The following CSMD1 variants were observed in gnomAD, a reference collection of about 807,000 sequenced individuals.
The protein encoded by CSMD1 is CUB and sushi domain-containing protein 1.
A neutral mutation model predicts 417.5 loss-of-function variants in CSMD1; 213 were observed. That is an observed-to-expected ratio of 0.51 (90% confidence interval 0.46 to 0.57). CSMD1 has a LOEUF of 0.57. CSMD1 is among the 20% of genes least tolerant of loss of function. The pLI is 0.00. For synonymous variants in CSMD1, 2,862 were observed against 1,736.8 expected, an observed-to-expected ratio of 1.65 and a Z score of -16.11; for missense variants, 6,923 against 4,529.7, an observed-to-expected ratio of 1.53 and a Z score of -15.17.
At chr8:3,646,605 G>C (rs1340116862) in intron 7 of CSMD1, among the ~76,000 whole-genome samples, 1 of 152,170 alleles carries the variant, frequency 6.6e-6, no homozygotes, top group Non-Finnish European at 1.5e-5. Flanking sequence ...GTAGCAGTCA[G>C]GGAACCACTA....
intron 5 of CSMD1, among the ~76,000 whole-genome samples, chr8:3,951,260 G>C (rs544762838): frequency 6.6e-6 from 1 of 152,288 alleles, no homozygotes; most frequent in East Asian, 1.9e-4. Context: ...TGAGGCCAGA[G>C]TGGATTTCCT....
intron 21 of CSMD1, among the ~76,000 whole-genome samples, chr8:3,348,875 C>T (rs1808195374): frequency 6.6e-6 from 1 of 152,180 alleles, no homozygotes; most frequent in Non-Finnish European, 1.5e-5. Context: ...AGTCACTTAA[C>T]CTTTCAGCAC....
intron 7 of CSMD1, among the ~76,000 whole-genome samples, chr8:3,682,443 G>A (rs1563268321): frequency 6.6e-6 from 1 of 152,148 alleles, no homozygotes; most frequent in East Asian, 1.9e-4. Flanking sequence ...ATGAAAAAAT[G>A]CTCATCATCA....
chr8:3,703,088 A>G (rs565007152), intron 7 of CSMD1, among the ~76,000 whole-genome samples: 1 of 152,326 alleles, frequency 6.6e-6, no homozygotes, highest in African/African-American at 2.4e-5. Flanking sequence ...TAAGATATTA[A>G]TGACTATCTT....
intron 3 of CSMD1, among the ~76,000 whole-genome samples, chr8:4,113,530 G>C (rs1019714058): frequency 6.6e-6 from 1 of 150,906 alleles, no homozygotes. Flanking sequence ...TCTGCCTCCT[G>C]AGTAGCTGGG....
chr8:4,514,418 A>G (rs1001577896), intron 2 of CSMD1, among the ~76,000 whole-genome samples: 4 of 152,172 alleles, frequency 2.6e-5, no homozygotes, highest in African/African-American at 7.2e-5. Context: ...TCTAGAAGGC[A>G]GATCTGAATG....
Position 4,813,826 on chromosome 8 carries a change from G to A in CSMD1, c.86-176268C>T, listed in dbSNP as rs17071510. On this transcript the variant is annotated intron_variant, in intron 1 of 69. Transcript: ENST00000635120. ...GCCATCGAATTTCATCAGATACAAGGCAGTAATTCCAGAGTGCATAGTAGC... is the reference window on the plus strand; with the variant it reads ...GCCATCGAATTTCATCAGATACAAGACAGTAATTCCAGAGTGCATAGTAGC... 2.5e-3 allele frequency among the ~76,000 whole-genome samples: 375 copies of A among 152,228 alleles called. 3 individuals carry two copies. Among genetic ancestry groups the A allele is most frequent in the African/African-American group, 8.4e-3 (348 of 41,532 alleles).
intron 21 of CSMD1, among the ~76,000 whole-genome samples, chr8:3,358,111 G>C (rs1808916803): frequency 6.6e-6 from 1 of 152,110 alleles, no homozygotes; most frequent in Non-Finnish European, 1.5e-5. Flanking sequence ...AACAAGTTAT[G>C]CTAAGTGAAC....
intron 67 of CSMD1, among the ~76,000 whole-genome samples, 161 bp from the exon 68 acceptor site, chr8:2,949,547 G>C (rs989302227): frequency 9.3e-6 from 1 of 107,726 alleles, no homozygotes; most frequent in African/African-American, 3.9e-5. Flanking sequence ...CACATTTATA[G>C]TTAAAGATCA....
At chr8:4,050,118 G>A (rs1009171137) in intron 3 of CSMD1, among the ~76,000 whole-genome samples, 18 of 152,158 alleles carry the variant, frequency 1.2e-4, no homozygotes, top group African/African-American at 4.3e-4. Flanking sequence ...GAAGATCACA[G>A]AGGTAAAGAA....
At chr8:3,927,733 AAG>A (rs533910475) in intron 5 of CSMD1, among the ~76,000 whole-genome samples, 24 of 152,224 alleles carry the variant, frequency 1.6e-4, no homozygotes, top group Non-Finnish European at 3.4e-4. Flanking sequence ...GCAGAAAAAA[AAG>A]AAGATGCTAA....
At chr8:3,255,068 T>C (rs1009065688) in intron 26 of CSMD1, among the ~76,000 whole-genome samples, 62 of 152,302 alleles carry the variant, frequency 4.1e-4, no homozygotes, top group African/African-American at 1.3e-3. Context: ...GTCCTTCCTG[T>C]TTGTTAGTTT....
intron 5 of CSMD1, among the ~76,000 whole-genome samples, chr8:3,845,554 C>A (rs769757642): frequency 6.6e-6 from 1 of 152,164 alleles, no homozygotes. Flanking sequence ...CTCTGGGTGT[C>A]AGTGAACGAG....
At chr8:4,170,359 G>C (rs150093669) in intron 3 of CSMD1, among the ~76,000 whole-genome samples, 1 of 151,704 alleles carries the variant, frequency 6.6e-6, no homozygotes, top group East Asian at 1.9e-4. Context: ...CCGTATATTC[G>C]GATAATTTAT....
chr8:4,866,486 A>C (rs964350547), intron 1 of CSMD1, among the ~76,000 whole-genome samples: 2 of 151,974 alleles, frequency 1.3e-5, no homozygotes, highest in African/African-American at 4.8e-5. Flanking sequence ...GCATTTTAGC[A>C]TCTACTTTAT....
chr8:3,296,834 G>C (rs1804006398), intron 25 of CSMD1, among the ~76,000 whole-genome samples: 1 of 152,164 alleles, frequency 6.6e-6, no homozygotes, highest in Admixed American at 6.5e-5. Context: ...GGGAAAATCA[G>C]AGTTTCTGTC....
At chr8:3,401,924 C>A (rs1316076172) in intron 15 of CSMD1, among the ~76,000 whole-genome samples, 3 of 150,202 alleles carry the variant, frequency 2.0e-5, no homozygotes, top group African/African-American at 7.3e-5. Context: ...ACCAATGAGC[C>A]AATGAGGTGT....
intron 10 of CSMD1, among the ~76,000 whole-genome samples, chr8:3,548,528 G>A (rs1408938110): frequency 2.6e-5 from 4 of 151,630 alleles, no homozygotes; most frequent in Admixed American, 1.3e-4. Flanking sequence ...CTCCTGCTTG[G>A]AATGAGAACA....
rs113950264 is a variant in CSMD1, at chr8:3,383,244, G to T, written c.2782+4250C>A. 8.3e-3 allele frequency among the ~76,000 whole-genome samples: 1,258 copies of T among 152,304 alleles called. 25 individuals carry two copies. The highest frequency in any genetic ancestry group is 0.037 in the Middle Eastern group (11 of 294). On this transcript the variant is annotated intron_variant, in intron 18 of 69. Coordinates refer to ENST00000635120, the MANE Select transcript of CSMD1 (RefSeq NM_033225.6). ...TATGTATCACAAATCGCATCAAATT[G>T]TTCACATTAAACATGCAGTTTACTG...
Sources: allele counts gnomAD v4.1 joint callset (sites outside exome capture counted in the v4.1 genomes callset), GRCh38; gene constraint gnomAD v4.1.1; transcripts MANE v1.5; gene names NCBI Gene and HGNC (gene_info 2026-07-23, HGNC 2026-07-21).